The following EDN3 variants were observed in gnomAD, a reference collection of about 807,000 sequenced individuals.
EDN3 encodes endothelin 3.
Under a neutral mutation model 21.4 loss-of-function variants are expected in EDN3, and 9 were observed. The observed-to-expected ratio is 0.42, with a 90% CI of 0.25 to 0.73. The LOEUF is 0.73. Ranked by LOEUF, EDN3 falls within the 30% of genes least tolerant of loss-of-function variation. EDN3 has a pLI of 0.26. For missense variants in EDN3, 327 were observed against 309.4 expected (o/e 1.06, Z -0.43); for synonymous variants, 133 against 126.2 (o/e 1.05, Z -0.36).
rs1600735868 is a variant in EDN3 at position 59,311,865 on chromosome 20, C to T, written c.366-9152C>T. Among the ~76,000 whole-genome samples the T allele has an allele frequency of 5.9e-5, 9 of 152,140 alleles. No homozygotes were observed. The South Asian group carries it at 1.7e-3, about 28-fold the overall frequency. On this transcript the variant is annotated intron_variant, in intron 2 of 4. Coordinates refer to ENST00000337938, the MANE Select transcript of EDN3 (RefSeq NM_207034.3). ...AAAGGGCATTACACAAGGACACAGA[C>T]AATTAGGTTAGGTGGAAGATGAGCG...
In EDN3 at chr20:59,305,631, C is replaced by A. The variant is rs899423997; in HGVS notation, c.365+3909C>A. Among the ~76,000 whole-genome samples, 1 of 152,296 alleles carries A rather than the reference C, an allele frequency of 6.6e-6. No homozygotes were observed. The highest frequency in any genetic ancestry group is 3.4e-3 in the Middle Eastern group (1 of 294). On this transcript the variant is annotated intron_variant, in intron 2 of 4. Coordinates refer to ENST00000337938, the MANE Select transcript of EDN3 (RefSeq NM_207034.3). This position sits in a 1 kb window ranked among gnomAD's most constrained non-coding sequence, Gnocchi z 4.2. ...TATATATATGGAGAGAGACAAAGAG[C>A]AATTTTCAGAATTTGGCTTACATGA...
chr20:59,321,227 G>A, intron 3 of EDN3, 34 bp downstream of exon 3: 1 of 1,612,400 alleles, frequency 6.2e-7, no homozygotes, highest in Non-Finnish European at 8.5e-7. Context: ...CTCATTTGCA[G>A]ATATGCATCA....
intron 2 of EDN3, among the ~76,000 whole-genome samples, chr20:59,316,475 G>T (rs1990196277): frequency 6.6e-6 from 1 of 152,228 alleles, no homozygotes; most frequent in South Asian, 2.1e-4. Context: ...TGGTCAGTGG[G>T]AATATCTGTG....
intron 2 of EDN3, among the ~76,000 whole-genome samples, chr20:59,315,196 G>T (rs1018231640): frequency 8.5e-5 from 13 of 152,242 alleles, no homozygotes; most frequent in Non-Finnish European, 4.4e-5. Context: ...TTGAGCTGTA[G>T]TTAGAAAGCA....
At position 59,301,646 on chromosome 20, in the gene EDN3, T is replaced by C. The variant is rs1226065645; in HGVS notation, c.289T>C (p.Cys97Arg). The C allele has an allele frequency of 6.2e-7, 1 of 1,614,198 alleles. No homozygotes were observed. The highest frequency in any genetic ancestry group is 8.5e-7 in the Non-Finnish European group (1 of 1,180,020). ...CCCTGAGCACCACCGATCCAGGCGC[T>C]GCACGTGCTTCACCTACAAGGACAA... ...GAPEHHRSRRCTCFTYKDKEC... is the reference protein window; with the variant it reads ...GAPEHHRSRRRTCFTYKDKEC... Residue 97 changes from cysteine (C) to arginine (R), a missense_variant, in exon 2 of 5, where the codon TGC becomes CGC. Transcript: ENST00000337938.
intron 2 of EDN3, among the ~76,000 whole-genome samples, chr20:59,315,471 C>T (rs1990115135): frequency 6.6e-6 from 1 of 152,246 alleles, no homozygotes; most frequent in African/African-American, 2.4e-5. Flanking sequence ...GACATGTATC[C>T]TAAGTGTGAC....
intron 2 of EDN3, among the ~76,000 whole-genome samples, chr20:59,316,037 T>A (rs1311524316): frequency 6.6e-6 from 1 of 151,896 alleles, no homozygotes; most frequent in East Asian, 1.9e-4. Flanking sequence ...TACAAAAAAA[T>A]TAGCTGGGTG....
At position 59,324,494 on chromosome 20, in the gene EDN3, CT is replaced by C; in HGVS notation, c.*37del. 4.3e-6 allele frequency: 7 copies of C among 1,613,738 alleles called. No homozygotes were observed. The highest frequency in any genetic ancestry group is 5.9e-6 in the Non-Finnish European group (7 of 1,179,858). On this transcript the variant is annotated 3_prime_UTR_variant, in exon 5 of 5. Transcript: ENST00000337938. ...CCTGCAGCATCCTGGTCTCGGGAGG[CT>C]TCTGTCATTGCTCACACACAGTTCA...
intron 2 of EDN3, among the ~76,000 whole-genome samples, chr20:59,307,144 C>CA (rs1296024796): frequency 6.6e-6 from 1 of 151,864 alleles, no homozygotes; most frequent in Admixed American, 6.6e-5. Flanking sequence ...GATTCCATCT[C>CA]AAAAAAACAA....
At chr20:59,317,763 A>G (rs2146866913) in intron 2 of EDN3, among the ~76,000 whole-genome samples, 1 of 152,298 alleles carries the variant, frequency 6.6e-6, no homozygotes, top group Middle Eastern at 3.4e-3. Context: ...GTGGTTATTG[A>G]ACTCTTTAGG....
At chr20:59,307,496 C>T (rs1408681133) in intron 2 of EDN3, among the ~76,000 whole-genome samples, 1 of 152,202 alleles carries the variant, frequency 6.6e-6, no homozygotes, top group Non-Finnish European at 1.5e-5. Flanking sequence ...CTGTAAGCCT[C>T]CTCCTGTGTG....
intron 2 of EDN3, among the ~76,000 whole-genome samples, chr20:59,314,693 C>A (rs541101320): frequency 1.6e-4 from 25 of 152,160 alleles, no homozygotes; most frequent in African/African-American, 5.5e-4. Flanking sequence ...ATTGACTGCC[C>A]CCCAGAGACC....
intron 2 of EDN3, among the ~76,000 whole-genome samples, chr20:59,320,595 C>T (rs11570338): frequency 5.8e-4 from 88 of 152,340 alleles, no homozygotes; most frequent in Middle Eastern, 3.4e-3. Context: ...GGAGCTAGGC[C>T]GGCCGTGGTT....
At chr20:59,303,790 A>G (rs1014812746) in intron 2 of EDN3, among the ~76,000 whole-genome samples, 1 of 152,176 alleles carries the variant, frequency 6.6e-6, no homozygotes, top group African/African-American at 2.4e-5. Flanking sequence ...GACTTTTTCC[A>G]GGACAGCCAA....
chr20:59,321,610 G>GC (rs961421143), intron 3 of EDN3, among the ~76,000 whole-genome samples: 2 of 152,218 alleles, frequency 1.3e-5, no homozygotes, highest in African/African-American at 2.4e-5. Flanking sequence ...TTATTGGGAG[G>GC]GGGGGGAACC....
intron 3 of EDN3, among the ~76,000 whole-genome samples, chr20:59,321,499 C>G (rs1194638276): frequency 6.6e-6 from 1 of 152,216 alleles, no homozygotes; most frequent in Admixed American, 6.5e-5. Flanking sequence ...TTGTGAAAAT[C>G]TGAATAAGTT....
rs1990754203 is a variant in EDN3, at chr20:59,324,918, G to C, written c.*459G>C. 4.3e-6 allele frequency: 1 copy of C among 233,256 alleles called. No individual in the cohort carries two copies. Among genetic ancestry groups the C allele is most frequent in the African/African-American group, 2.2e-5 (1 of 44,654 alleles). 14.4% of individuals were successfully genotyped at this position (233,256 alleles called of 1,614,324 possible). The stretch of plus-strand genomic sequence containing the variant: ...AATAGGCTGCATGGTGTATGTCAGT[G>C]AGGGCCACGAGGCGTCGGCTTTAGA... On this transcript the variant is annotated 3_prime_UTR_variant, in exon 5 of 5. Transcript: ENST00000337938.
Position 59,324,622 on chromosome 20 carries a change from C to A in EDN3, c.*163C>A. On this transcript the variant is annotated 3_prime_UTR_variant, in exon 5 of 5. Transcript: ENST00000337938. ...TACCCCCCCCCCACGGCAAGAATGC[C>A]CAAATCCGAATGACCCCAGTTTTCC... The A allele has an allele frequency of 1.0e-6, 1 of 972,522 alleles. No homozygotes were observed. Among genetic ancestry groups the A allele is most frequent in the Non-Finnish European group, 1.5e-6 (1 of 645,984 alleles). 60.2% of individuals were successfully genotyped at this position (972,522 alleles called of 1,614,324 possible).
Position 59,322,250 on chromosome 20 carries a change from C to A in EDN3, c.543-122C>A. 1 of 1,086,968 alleles carries A rather than the reference C, an allele frequency of 9.2e-7. No individual in the cohort carries two copies. Among genetic ancestry groups the A allele is most frequent in the Middle Eastern group, 2.0e-4 (1 of 5,090 alleles). The allele number at this position is 1,086,968 out of a possible 1,614,324, so 67.3% of individuals were successfully genotyped here. On this transcript the variant is annotated intron_variant, in intron 3 of 4. Transcript: ENST00000337938. This position sits in a 1 kb window ranked among gnomAD's most constrained non-coding sequence, Gnocchi z 4.1. ...GCCTTCAGAAACTGTGCCTGAGACGCAGTCCTTGGGGAACGCACTAATGTG... is the reference window on the plus strand; with the variant it reads ...GCCTTCAGAAACTGTGCCTGAGACGAAGTCCTTGGGGAACGCACTAATGTG...
Sources: gnomAD v4.1 joint callset for allele counts (sites outside exome capture counted in the v4.1 genomes callset) on GRCh38, gnomAD v4.1.1 for gene constraint, Gnocchi (gnomAD v3.1) non-coding constraint, MANE v1.5 for transcripts, NCBI Gene and HGNC (gene_info 2026-07-23, HGNC 2026-07-21) for gene names.